Variants in WDR90 observed in about 807,000 individuals in gnomAD.
WDR90 encodes WD repeat domain 90, also known as WD repeat-containing protein 90.
WDR90 carries 238 observed loss-of-function variants against 195.2 expected under a neutral mutation model. That is an observed-to-expected ratio of 1.22 (90% CI 1.10 to 1.36). The LOEUF is 1.36. Among genes scored for constraint, WDR90 ranks in the 40% most tolerant of loss-of-function variants. The pLI is 0.00. For missense variants in WDR90, 2,734 were observed against 2,439.5 expected (o/e 1.12, Z -2.54); for synonymous variants, 1,265 against 1,052.4 (o/e 1.20, Z -3.91).
rs779743039 is a variant in WDR90, at chr16:658,579, C to G, written c.2821C>G (p.Arg941Gly). Residue 941 changes from arginine to glycine, a missense_variant, in exon 23 of 41, where the codon CGC (arginine) becomes GGC (glycine). By Grantham distance (125) the Arg-to-Gly change is moderately radical. Transcript: ENST00000293879. Reference sequence around the variant, plus strand: ...CTCCTTGACGCTCAGTGAGGACGCCCGCTTCCTGCTGATTGCCGCCGGCCG... The same window carrying G: ...CTCCTTGACGCTCAGTGAGGACGCCGGCTTCCTGCTGATTGCCGCCGGCCG... ...CPSLTLSEDA[R>G]FLLIAAGRTI... is the part of the protein sequence containing the mutation. The G allele has an allele frequency of 6.2e-7, 1 of 1,612,618 alleles. No homozygotes were observed. Among genetic ancestry groups the G allele is most frequent in the Non-Finnish European group, 8.5e-7 (1 of 1,179,932 alleles).
At chr16:662,374 T>C in intron 33 of WDR90, 43 bp downstream of exon 33, 2 of 1,537,754 alleles carry the variant, frequency 1.3e-6, no homozygotes, top group Non-Finnish European at 1.7e-6. Flanking sequence ...ACGTGGGTGT[T>C]GGTGTCCCTG....
chr16:660,971 C>CCCCT, intron 28 of WDR90, 80 bp from the exon 29 acceptor site: 2 of 426,474 alleles, frequency 4.7e-6, no homozygotes, highest in Non-Finnish European at 3.5e-6. Flanking sequence ...GCCCCGCCCC[C>CCCCT]TGTTCGGCCC....
In WDR90 at chr16:653,325, C is replaced by G. The variant is rs1371082395; in HGVS notation, c.1123-16C>G. 3 of 1,506,488 alleles carry G rather than the reference C, an allele frequency of 2.0e-6. No individual in the cohort carries two copies. The highest frequency in any genetic ancestry group is 2.7e-6 in the Non-Finnish European group (3 of 1,127,626). The allele number at this position is 1,506,488 out of a possible 1,614,324, so 93.3% of individuals were successfully genotyped here. A position where few individuals can be genotyped will look rare whatever the true frequency, so the allele number is the denominator to read the frequency against. On this transcript the variant is annotated splice_polypyrimidine_tract_variant and intron_variant, in intron 10 of 40. Coordinates refer to ENST00000293879, the MANE Select transcript of WDR90 (RefSeq NM_145294.5). ...GGCGTAGCACCGGTCCTCAGCCCCC[C>G]GCCCCCTTGTGCCAGGCCCTGTGGA...
chr16:667,080 T>TCTTG, intron 40 of WDR90, 91 bp downstream of exon 40: 2 of 1,354,760 alleles, frequency 1.5e-6, no homozygotes, highest in East Asian at 2.5e-5. Context: ...GCCTCACCTG[T>TCTTG]GCCCCGGGCT....
chr16:663,392 T>A (rs2037958809), intron 34 of WDR90: 1 of 244,438 alleles, frequency 4.1e-6, no homozygotes, highest in Non-Finnish European at 8.2e-6. Context: ...GAACCAAGAT[T>A]GCACCACTGC....
chr16:667,478 C>G lies in WDR90; in HGVS notation c.5136C>G (p.Asp1712Glu). 2 of 1,610,370 alleles carry G rather than the reference C, an allele frequency of 1.2e-6. No individual in the cohort carries two copies. Among genetic ancestry groups the G allele is most frequent in the South Asian group, 1.1e-5 (1 of 91,032 alleles). The change falls in exon 41 of 41, where the codon GAC becomes GAG. Residue 1712 changes from aspartate to glutamate, a missense_variant. Physicochemically the swap from Asp to Glu is conservative, Grantham distance 45. Transcript: ENST00000293879. ...LVDCAMGTAQ[D>E]FAGHDNAVHL... ...ACTGTGCCATGGGGACTGCCCAAGA[C>G]TTTGCCGGCCACGACAACGCAGTGC...
intron 13 of WDR90, 43 bp from the exon 14 acceptor site, chr16:654,986 C>T (rs200240692): frequency 5.7e-6 from 9 of 1,592,554 alleles, no homozygotes; most frequent in East Asian, 2.2e-5. Flanking sequence ...CGAGGTGGCC[C>T]CGACTGGCCC....
Position 661,652 on chromosome 16 carries a change from G to A in WDR90, c.3729G>A (p.Val1243=). The A allele has an allele frequency of 6.2e-7, 1 of 1,610,214 alleles. No individual in the cohort carries two copies. Among genetic ancestry groups the A allele is most frequent in the Non-Finnish European group, 8.5e-7 (1 of 1,178,864 alleles). The change falls in exon 31 of 41, where the codon GTG becomes GTA. Residue 1243 remains valine, a synonymous_variant. Coordinates refer to ENST00000293879, the MANE Select transcript of WDR90 (RefSeq NM_145294.5). The part of the protein sequence containing the change: ...ALWGTATYDL[V]SSTRLPEPVH... ...GGGGCACGGCCACCTATGACCTCGT[G>A]TCCTCCACCCGCCTCCCGGAGCCGG...
At position 666,654 on chromosome 16, in the gene WDR90, G is replaced by C. The variant is rs761142777; in HGVS notation, c.4885-19G>C. ...GCCGGTACCCATCCACCCCACCGCAGCATGCTGCGCCTTTGCAGACTCAGG... is the reference window on the plus strand; with the variant it reads ...GCCGGTACCCATCCACCCCACCGCACCATGCTGCGCCTTTGCAGACTCAGG... On this transcript the variant is annotated intron_variant, in intron 38 of 40. Transcript: ENST00000293879. 1 of 1,612,132 alleles carries C rather than the reference G, an allele frequency of 6.2e-7. No individual in the cohort carries two copies. Among genetic ancestry groups the C allele is most frequent in the Non-Finnish European group, 8.5e-7 (1 of 1,179,546 alleles).
intron 10 of WDR90, 137 bp from the exon 11 acceptor site, chr16:653,204 G>A: frequency 1.6e-6 from 1 of 639,892 alleles, no homozygotes; most frequent in Non-Finnish European, 2.6e-6. Flanking sequence ...GCCCCTGGGT[G>A]GCTGTGTGCC....
chr16:657,262 G>C (rs374872084), intron 20 of WDR90, 41 bp downstream of exon 20: 39 of 1,498,768 alleles, frequency 2.6e-5, no homozygotes, highest in East Asian at 9.9e-5. Context: ...TCCTCAGGGC[G>C]GGGGAGGCCT....
chr16:650,961 C>G (rs778052477), intron 5 of WDR90, 34 bp from the exon 6 acceptor site: 16 of 1,606,572 alleles, frequency 1.0e-5, no homozygotes, highest in Non-Finnish European at 1.4e-5. Context: ...GCTAAACAGC[C>G]TCCCTTGACC....
In WDR90 at chr16:667,468, C is replaced by G; in HGVS notation, c.5126C>G (p.Thr1709Ser). 1.2e-6 allele frequency: 2 copies of G among 1,607,910 alleles called. No individual in the cohort carries two copies. Among genetic ancestry groups the G allele is most frequent in the South Asian group, 2.2e-5 (2 of 90,990 alleles). The change falls in exon 41 of 41, where the codon ACT (threonine) becomes AGT (serine). Residue 1709 changes from threonine (T) to serine (S), a missense_variant. By Grantham distance (58) the Thr-to-Ser change is moderately conservative. Transcript: ENST00000293879. ...AGGCTGGTAGACTGTGCCATGGGGA[C>G]TGCCCAAGACTTTGCCGGCCACGAC... is the stretch of plus-strand genomic sequence containing the variant. The part of the protein sequence containing the change: ...MLRLVDCAMG[T>S]AQDFAGHDNA...
intron 26 of WDR90, 114 bp downstream of exon 26, chr16:659,490 GCT>G (rs748883331): frequency 7.8e-5 from 109 of 1,401,018 alleles, no homozygotes; most frequent in Non-Finnish European, 1.0e-4. Context: ...TGCCATCGCT[GCT>G]CATCAGGTGG....
At chr16:662,656 C>T (rs2151336767) in intron 33 of WDR90, 23 bp from the exon 34 acceptor site, 1 of 1,524,422 alleles carries the variant, frequency 6.6e-7, no homozygotes. Flanking sequence ...TTGTTCTCTC[C>T]TTCCCTGCAC....
rs2037773552 is a variant in WDR90, at chr16:657,102, G to A, written c.2354G>A (p.Gly785Glu). The change falls in exon 20 of 41, where the codon GGA becomes GAA. Residue 785 changes from glycine (G) to glutamate (E), a missense_variant. Physicochemically the swap from Gly to Glu is moderately conservative, Grantham distance 98. Transcript: ENST00000293879. The stretch of plus-strand genomic sequence containing the variant: ...TGTGTGTGCTGCAGGTGCCACCGAG[G>A]AGCTGTCACCGGCCTGACCGCCACC... ...EVLVEHTCHR[G>E]AVTGLTATPD... 4 of 1,596,192 alleles carry A rather than the reference G, an allele frequency of 2.5e-6. No homozygotes were observed. The highest frequency in any genetic ancestry group is 2.7e-5 in the African/African-American group (2 of 74,664).
intron 11 of WDR90, 22 bp from the exon 12 acceptor site, chr16:653,503 C>G (rs767473707): frequency 6.2e-7 from 1 of 1,612,848 alleles, no homozygotes; most frequent in South Asian, 1.1e-5. Flanking sequence ...CCTACACCCT[C>G]CCTCACCCTT....
Position 662,351 on chromosome 16 carries a change from G to A in WDR90, c.4145+20G>A, listed in dbSNP as rs756095508. The A allele has an allele frequency of 3.2e-6, 5 of 1,548,368 alleles. No homozygotes were observed. Among genetic ancestry groups the A allele is most frequent in the South Asian group, 2.4e-5 (2 of 84,400 alleles). On this transcript the variant is annotated intron_variant, in intron 33 of 40. Transcript: ENST00000293879. ...CGCCAGGTGAGCTGTTCACCCCTAC[G>A]TGTTTTGGCTGCACGTGGGTGTTGG...
chr16:660,754 C>A, intron 28 of WDR90, 40 bp downstream of exon 28: 1 of 1,523,632 alleles, frequency 6.6e-7, no homozygotes, highest in Non-Finnish European at 8.9e-7. Context: ...AGCCAAGATG[C>A]GGCCGCGCGT....
Sources: allele counts gnomAD v4.1 joint callset, GRCh38; gene constraint gnomAD v4.1.1; transcripts MANE v1.5; gene names NCBI Gene and HGNC (gene_info 2026-07-23, HGNC 2026-07-21).